The following KIAA1217 variants were observed in gnomAD, a reference collection of about 807,000 sequenced individuals.
KIAA1217 encodes sickle tail protein homolog.
In KIAA1217, 88 loss-of-function variants were observed where a neutral mutation model predicts 163.9. That is an observed-to-expected ratio of 0.54 (90% CI 0.45 to 0.64). The LOEUF is 0.64. KIAA1217 is among the 30% of genes least tolerant of loss of function. The pLI, the probability that KIAA1217 is intolerant of heterozygous loss-of-function variation, is 0.00. For synonymous variants in KIAA1217, 903 were observed against 923.1 expected, an observed-to-expected ratio of 0.98 and a Z score of 0.39; for missense variants, 2,372 against 2,475.0, an observed-to-expected ratio of 0.96 and a Z score of 0.88.
intron 2 of KIAA1217, among the ~76,000 whole-genome samples, chr10:24,098,703 ACCCTC>A (rs1414516015): frequency 1.4e-5 from 2 of 140,224 alleles, no homozygotes; most frequent in Admixed American, 7.0e-5. Flanking sequence ...GCAGCCTGTA[ACCCTC>A]CCCTCTGAAG....
chr10:23,769,177 A>G (rs528507112), intron 1 of KIAA1217, among the ~76,000 whole-genome samples: 2 of 152,332 alleles, frequency 1.3e-5, no homozygotes, highest in African/African-American at 4.8e-5. Context: ...GGGGGCTGCC[A>G]GTGAGTCACG....
At chr10:23,999,737 T>C (rs914529531) in intron 1 of KIAA1217, among the ~76,000 whole-genome samples, 3 of 152,168 alleles carry the variant, frequency 2.0e-5, no homozygotes, top group Non-Finnish European at 4.4e-5. Context: ...TAGAACACTC[T>C]GACTAATAAA....
chr10:24,168,144 G>A (rs2065446986), intron 2 of KIAA1217, among the ~76,000 whole-genome samples: 1 of 152,016 alleles, frequency 6.6e-6, no homozygotes, highest in African/African-American at 2.4e-5. Flanking sequence ...TGAATCCTGG[G>A]GATTGCTAGG....
In KIAA1217 at chr10:24,023,203, C is replaced by A. The variant is rs187372658; in HGVS notation, c.-171+15829C>A. Among the ~76,000 whole-genome samples the A allele has an allele frequency of 1.2e-3, 188 of 151,756 alleles. 1 individual carries two copies. The highest frequency in any genetic ancestry group is 4.3e-3 in the African/African-American group (177 of 41,492). On this transcript the variant is annotated intron_variant, in intron 2 of 18. Coordinates refer to the KIAA1217 transcript ENST00000376462. ...TTGGCAATTTAGTAAAATTCTTTCA[C>A]GTAAAATCAAGCTGAAAGTTAACTT... is the stretch of plus-strand genomic sequence containing the variant.
chr10:24,162,548 A>G lies in KIAA1217; in HGVS notation c.-170-57078A>G, dbSNP rs556401364. On this transcript the variant is annotated intron_variant, in intron 2 of 18. Transcript: ENST00000376462. ...TGAGAAGGTAGCATTGTCACTAAGT[A>G]ATGCAGCCCATCACATGGTACCTGG... Among the ~76,000 whole-genome samples, 3 of 152,348 alleles carry G rather than the reference A, an allele frequency of 2.0e-5. No individual in the cohort carries two copies. In the South Asian group the frequency reaches 6.2e-4, roughly 32 times the overall value.
intron 2 of KIAA1217, among the ~76,000 whole-genome samples, chr10:24,292,500 G>T (rs535324049): frequency 5.3e-4 from 80 of 152,292 alleles, no homozygotes; most frequent in African/African-American, 1.8e-3. Context: ...CCATGAAGAG[G>T]TTAAAGAGAA....
chr10:24,039,823 TAGATATAGATATA>T (rs1466278990), intron 2 of KIAA1217, among the ~76,000 whole-genome samples: 1 of 151,766 alleles, frequency 6.6e-6, no homozygotes. Flanking sequence ...GATATAGATA[TAGATATAGATATA>T]GATATAGATA....
At chr10:23,996,667 G>A (rs1846498789) in intron 1 of KIAA1217, among the ~76,000 whole-genome samples, 1 of 151,942 alleles carries the variant, frequency 6.6e-6, no homozygotes, top group South Asian at 2.1e-4. Context: ...TGAAATAATT[G>A]GAACTAATAC....
chr10:24,391,277 T>C (rs1341125526), intron 3 of KIAA1217, among the ~76,000 whole-genome samples: 1 of 151,046 alleles, frequency 6.6e-6, no homozygotes, highest in Non-Finnish European at 1.5e-5. Flanking sequence ...GAAACAGTCT[T>C]AGCAGTGAGA....
At position 24,471,662 on chromosome 10, in the gene KIAA1217, C is replaced by T. The variant is rs143927452; in HGVS notation, c.847-1566C>T. On this transcript the variant is annotated intron_variant, in intron 5 of 20. Transcript: ENST00000376454. ...CTGTGGGAGGCCGAGGCAGGCAGAT[C>T]ACCTGAGGTCAGGAGTTCAAGACTA... Among the ~76,000 whole-genome samples the T allele has an allele frequency of 3.2e-3, 483 of 152,082 alleles. 16 individuals are homozygous for T. In the South Asian group the frequency reaches 0.048, roughly 15 times the overall value.
intron 2 of KIAA1217, among the ~76,000 whole-genome samples, chr10:24,100,695 T>A (rs1023467890): frequency 6.6e-6 from 1 of 152,226 alleles, no homozygotes; most frequent in Non-Finnish European, 1.5e-5. Context: ...CTTTTCAAAC[T>A]ATTTTGCAAG....
intron 1 of KIAA1217, among the ~76,000 whole-genome samples, chr10:23,697,017 G>A (rs563942271): frequency 3.9e-5 from 6 of 152,328 alleles, no homozygotes; most frequent in African/African-American, 1.2e-4. Flanking sequence ...ATGAACGTTC[G>A]AAAGTGTATA....
intron 1 of KIAA1217, among the ~76,000 whole-genome samples, chr10:23,818,068 T>TAC (rs1156659416): frequency 5.1e-5 from 6 of 118,166 alleles, no homozygotes; most frequent in South Asian, 2.3e-4. Context: ...TACATATATA[T>TAC]ATACACACAC....
At chr10:24,431,655 C>G (rs571259840) in intron 3 of KIAA1217, among the ~76,000 whole-genome samples, 1 of 152,288 alleles carries the variant, frequency 6.6e-6, no homozygotes, top group African/African-American at 2.4e-5. Flanking sequence ...CCAAACCAAG[C>G]TCACCAAGAG....
intron 2 of KIAA1217, among the ~76,000 whole-genome samples, chr10:24,253,105 T>C (rs1001907787): frequency 2.0e-5 from 3 of 152,108 alleles, no homozygotes; most frequent in African/African-American, 4.8e-5. Flanking sequence ...CAGCAAGTGC[T>C]GAGACCCAGA....
intron 1 of KIAA1217, among the ~76,000 whole-genome samples, chr10:23,750,366 T>C (rs906357738): frequency 6.6e-6 from 1 of 152,354 alleles, no homozygotes; most frequent in East Asian, 1.9e-4. Flanking sequence ...TGAATCCTAA[T>C]AGTCCAGCAG....
chr10:24,338,252 C>G (rs1295330956), intron 2 of KIAA1217, among the ~76,000 whole-genome samples: 1 of 152,302 alleles, frequency 6.6e-6, no homozygotes, highest in African/African-American at 2.4e-5. Context: ...GACAGCTATC[C>G]TTTTCTGAGT....
intron 1 of KIAA1217, among the ~76,000 whole-genome samples, chr10:23,804,569 A>G (rs1406779960): frequency 1.3e-5 from 2 of 152,216 alleles, no homozygotes; most frequent in Admixed American, 6.5e-5. Flanking sequence ...GCCAGTATGA[A>G]CATAGGTCTT....
intron 2 of KIAA1217, among the ~76,000 whole-genome samples, chr10:24,012,424 G>A (rs1346824275): frequency 6.6e-6 from 1 of 152,098 alleles, no homozygotes; most frequent in Admixed American, 6.5e-5. Context: ...TGCTAAAACT[G>A]AGCCAAGAAG....
Sources: gnomAD v4.1 joint callset for allele counts (sites outside exome capture counted in the v4.1 genomes callset) on GRCh38, gnomAD v4.1.1 for gene constraint, MANE v1.5 for transcripts, NCBI Gene and HGNC (gene_info 2026-07-23, HGNC 2026-07-21) for gene names.